The following RYK variants were observed in gnomAD, a reference collection of about 807,000 sequenced individuals.
The protein encoded by RYK is inactive tyrosine-protein kinase RYK.
In RYK, 21 loss-of-function variants were observed where a neutral mutation model predicts 70.2. The observed-to-expected ratio is 0.30, with a 90% CI of 0.21 to 0.43. The LOEUF is 0.43. Ranked by LOEUF, RYK falls within the 20% of genes least tolerant of loss-of-function variation. RYK has a pLI of 1.00. For missense variants in RYK, 604 were observed against 753.3 expected, an observed-to-expected ratio of 0.80 and a Z score of 2.32; for synonymous variants, 267 against 278.0, an observed-to-expected ratio of 0.96 and a Z score of 0.39.
rs34305748 is a variant in RYK at position 134,229,294 on chromosome 3, T to TTC, written c.233-6757_233-6756dup. On this transcript the variant is annotated intron_variant, in intron 1 of 14. Coordinates refer to ENST00000623711, the MANE Select transcript of RYK (RefSeq NM_002958.4). ...TCCGCCTCGCACTCTCTCTACTGCC[T>TTC]TCTCTCTCTCTCTCTCTCTCTCTTT... 4.7e-3 allele frequency among the ~76,000 whole-genome samples: 674 copies of TTC among 143,858 alleles called. 4 individuals are homozygous for TTC. The highest frequency in any genetic ancestry group is 0.014 in the East Asian group (71 of 4,936). 94.4% of individuals were successfully genotyped at this position (143,858 alleles called of 152,430 possible). A position where few individuals can be genotyped will look rare whatever the true frequency, so the allele number is the denominator to read the frequency against.
intron 1 of RYK, among the ~76,000 whole-genome samples, chr3:134,237,616 T>C (rs193055149): frequency 6.6e-6 from 1 of 152,220 alleles, no homozygotes; most frequent in African/African-American, 2.4e-5. Context: ...CTTACTTCCC[T>C]TCCCCTGGCT....
At chr3:134,204,591 C>CCACACACA (rs59154111) in intron 5 of RYK, among the ~76,000 whole-genome samples, 8,817 of 140,678 alleles carry the variant, frequency 0.063, 426 homozygotes, top group African/African-American at 0.12. Context: ...ACAGCCACAG[C>CCACACACA]CACACACACA....
intron 13 of RYK, among the ~76,000 whole-genome samples, chr3:134,168,808 G>A (rs1035315702): frequency 6.6e-6 from 1 of 152,054 alleles, no homozygotes; most frequent in South Asian, 2.1e-4. Context: ...AGCATCCTCC[G>A]TAACTCTAGC....
chr3:134,212,742 A>G (rs1312066706), intron 2 of RYK, among the ~76,000 whole-genome samples: 1 of 152,138 alleles, frequency 6.6e-6, no homozygotes, highest in African/African-American at 2.4e-5. Context: ...AAAGAGTATC[A>G]TCCCAGATAT....
intron 1 of RYK, among the ~76,000 whole-genome samples, chr3:134,228,485 T>G (rs1178429206): frequency 1.3e-5 from 2 of 152,110 alleles, no homozygotes; most frequent in Admixed American, 6.5e-5. Context: ...ATATGGTAAA[T>G]GTACACAATG....
chr3:134,224,220 A>G (rs1038601348), intron 1 of RYK, among the ~76,000 whole-genome samples: 2 of 152,198 alleles, frequency 1.3e-5, no homozygotes, highest in South Asian at 2.1e-4. Flanking sequence ...TTTATTGTAT[A>G]CAAGGCAAGG....
At chr3:134,236,033 G>C (rs1324101356) in intron 1 of RYK, among the ~76,000 whole-genome samples, 1 of 151,820 alleles carries the variant, frequency 6.6e-6, no homozygotes, top group Non-Finnish European at 1.5e-5. Flanking sequence ...ACTGGGAACT[G>C]GGACACCCGC....
chr3:134,237,280 A>G (rs770116245), intron 1 of RYK, among the ~76,000 whole-genome samples: 1 of 152,150 alleles, frequency 6.6e-6, no homozygotes, highest in Non-Finnish European at 1.5e-5. Flanking sequence ...TTCGTGCTAA[A>G]TCAGCAAACC....
intron 1 of RYK, among the ~76,000 whole-genome samples, chr3:134,249,850 A>G (rs374076726): frequency 1.1e-4 from 16 of 148,298 alleles, no homozygotes; most frequent in African/African-American, 3.3e-4. Context: ...CTCCAAATCT[A>G]CGTCCCAAGA....
Position 134,211,521 on chromosome 3 carries a change from T to C in RYK, c.441A>G (p.Pro147=), listed in dbSNP as rs2014392027. The change falls in exon 3 of 15, where the codon CCA becomes CCG. Residue 147 remains proline (P), a synonymous_variant. Transcript: ENST00000623711. ...ACTCTTACTTACCTGATAAAGTGCGTGGAACTTCCCCCTGAACAGAAATGT... is the reference window on the plus strand; with the variant it reads ...ACTCTTACTTACCTGATAAAGTGCGCGGAACTTCCCCCTGAACAGAAATGT... ...QVNISVQGEV[P]RTLSVFRVEL... is the part of the protein sequence containing the mutation. 2 of 1,612,314 alleles carry C rather than the reference T, an allele frequency of 1.2e-6. No individual in the cohort carries two copies.
At chr3:134,236,708 C>A (rs772086101) in intron 1 of RYK, among the ~76,000 whole-genome samples, 9 of 152,176 alleles carry the variant, frequency 5.9e-5, no homozygotes, top group Non-Finnish European at 1.0e-4. Flanking sequence ...CAGTGTAGTA[C>A]TGGCATGACA....
At chr3:134,162,099 T>C (rs1485388133) in intron 13 of RYK, among the ~76,000 whole-genome samples, 1 of 152,174 alleles carries the variant, frequency 6.6e-6, no homozygotes, top group African/African-American at 2.4e-5. Context: ...TTTCTCCTCA[T>C]GTGTGTGTCT....
At chr3:134,170,071 C>T (rs1473668482) in intron 13 of RYK, among the ~76,000 whole-genome samples, 2 of 152,160 alleles carry the variant, frequency 1.3e-5, no homozygotes, top group Non-Finnish European at 2.9e-5. Flanking sequence ...ACAGTCACAT[C>T]ATAGTCATGG....
At chr3:134,227,273 A>G (rs1398822631) in intron 1 of RYK, among the ~76,000 whole-genome samples, 1 of 152,228 alleles carries the variant, frequency 6.6e-6, no homozygotes, top group Non-Finnish European at 1.5e-5. Flanking sequence ...AAATTAGAGA[A>G]GACCTTAAAA....
chr3:134,235,858 G>C (rs139638747), intron 1 of RYK, among the ~76,000 whole-genome samples: 1 of 152,238 alleles, frequency 6.6e-6, no homozygotes, highest in East Asian at 1.9e-4. Context: ...CAAGCCAGGA[G>C]CAGGGTAACT....
intron 6 of RYK, among the ~76,000 whole-genome samples, chr3:134,199,306 C>T (rs1401255739): frequency 6.6e-6 from 1 of 152,224 alleles, no homozygotes; most frequent in African/African-American, 2.4e-5. Context: ...ATGAATTCCA[C>T]GGAGCCATGG....
At chr3:134,205,292 GCTTTC>G (rs2014182547) in intron 5 of RYK, among the ~76,000 whole-genome samples, 3 of 152,086 alleles carry the variant, frequency 2.0e-5, no homozygotes, top group Non-Finnish European at 4.4e-5. Flanking sequence ...AAAACTTACA[GCTTTC>G]AAAAACACAT....
At chr3:134,234,368 C>T (rs745480777) in intron 1 of RYK, among the ~76,000 whole-genome samples, 2 of 152,094 alleles carry the variant, frequency 1.3e-5, no homozygotes, top group Non-Finnish European at 2.9e-5. Context: ...CTCCAACTTT[C>T]CCTTAAAATA....
At chr3:134,162,234 ATTTTT>A (rs35638482) in intron 13 of RYK, among the ~76,000 whole-genome samples, 1 of 139,378 alleles carries the variant, frequency 7.2e-6, no homozygotes. Flanking sequence ...GGCTTCAACC[ATTTTT>A]TTTTTTTTTT....
Sources: allele counts gnomAD v4.1 joint callset (sites outside exome capture counted in the v4.1 genomes callset), GRCh38; gene constraint gnomAD v4.1.1; transcripts MANE v1.5; gene names NCBI Gene and HGNC (gene_info 2026-07-23, HGNC 2026-07-21).